OSBPL8: variants seen among roughly 807,000 people sequenced by gnomAD.
OSBPL8 encodes the protein oxysterol-binding protein-related protein 8.
A neutral mutation model predicts 125.5 loss-of-function variants in OSBPL8; 59 were observed. The ratio of observed to expected loss-of-function variants is 0.47; its 90% CI spans 0.38 to 0.58. OSBPL8 has a LOEUF of 0.58. Among genes scored for constraint, OSBPL8 ranks in the 20% least tolerant of loss-of-function variants. The pLI is 0.00. For synonymous variants in OSBPL8, 330 were observed against 338.9 expected (o/e 0.97, Z 0.29); for missense variants, 758 against 1,047.8 (o/e 0.72, Z 3.82).
intron 1 of OSBPL8, among the ~76,000 whole-genome samples, chr12:76,517,836 A>C (rs1881703768): frequency 6.6e-6 from 1 of 152,274 alleles, no homozygotes; most frequent in Middle Eastern, 3.4e-3. Context: ...ATACTCTTTC[A>C]AACAACCAGG....
chr12:76,495,327 A>G (rs559918237), intron 1 of OSBPL8, among the ~76,000 whole-genome samples: 1 of 152,360 alleles, frequency 6.6e-6, no homozygotes, highest in East Asian at 1.9e-4. Flanking sequence ...AGTAAACAAT[A>G]TAATAGCGCA....
chr12:76,499,546 C>CT (rs1243928992), intron 1 of OSBPL8, among the ~76,000 whole-genome samples: 14 of 151,898 alleles, frequency 9.2e-5, no homozygotes, highest in Admixed American at 9.2e-4. Flanking sequence ...CAGTAAAAGC[C>CT]TTTACTTCAA....
intron 1 of OSBPL8, among the ~76,000 whole-genome samples, chr12:76,558,687 AAG>A (rs573561743): frequency 1.0e-3 from 156 of 152,338 alleles, no homozygotes; most frequent in African/African-American, 3.6e-3. Flanking sequence ...TCTCATAAAG[AAG>A]AGTGTTAAAT....
Position 76,392,702 on chromosome 12 carries a change from G to C in OSBPL8, c.808C>G (p.Leu270Val), listed in dbSNP as rs760790615. The C allele has an allele frequency of 1.2e-6, 2 of 1,613,926 alleles. No homozygotes were observed. The highest frequency in any genetic ancestry group is 1.7e-6 in the Non-Finnish European group (2 of 1,179,888). Residue 270 changes from leucine to valine, a missense_variant, in exon 10 of 24, where the codon CTT becomes GTT. Transcript: ENST00000261183. The part of the protein sequence containing the change: ...LELALKCSSL[L>V]KRTMIREGKE... The stretch of plus-strand genomic sequence containing the variant: ...CCTTCTCTGATCATTGTACGTTTAA[G>C]AAGACTAGAACATTTCAAAGCCAAC...
At chr12:76,511,112 G>C (rs1451473669) in intron 1 of OSBPL8, among the ~76,000 whole-genome samples, 1 of 152,186 alleles carries the variant, frequency 6.6e-6, no homozygotes, top group Non-Finnish European at 1.5e-5. Context: ...AGACTTCTGA[G>C]GGTGGTAGAG....
intron 17 of OSBPL8, among the ~76,000 whole-genome samples, chr12:76,374,592 T>C (rs1262786250): frequency 6.6e-6 from 1 of 152,124 alleles, no homozygotes; most frequent in East Asian, 1.9e-4. Context: ...TCAAGTCACA[T>C]GGAAAGGCCA....
chr12:76,435,083 GC>G (rs1871284780), intron 4 of OSBPL8, among the ~76,000 whole-genome samples: 1 of 152,026 alleles, frequency 6.6e-6, no homozygotes, highest in African/African-American at 2.4e-5. Context: ...ACTCACAATA[GC>G]GAAGATATGG....
chr12:76,431,118 G>A (rs1870764510), intron 4 of OSBPL8, among the ~76,000 whole-genome samples: 1 of 152,094 alleles, frequency 6.6e-6, no homozygotes, highest in Non-Finnish European at 1.5e-5. Context: ...ACATAAGTAT[G>A]AGGTGGGGGG....
chr12:76,384,307 C>T lies in OSBPL8; in HGVS notation c.1577G>A (p.Arg526Gln), dbSNP rs1953198726. The T allele has an allele frequency of 2.6e-6, 4 of 1,567,480 alleles. No individual in the cohort carries two copies. The highest frequency in any genetic ancestry group is 1.3e-5 in the African/African-American group (1 of 74,388). ...PPISAFYVSN[R>Q]KDGFCLSGSI... is the part of the protein sequence containing the mutation. ...ACCGCTAAGGCAAAATCCATCTTTT[C>T]GATTACTAACATAAAAGGCAGATAT... Residue 526 changes from arginine to glutamine, a missense_variant, in exon 15 of 24, where the codon CGA (arginine) becomes CAA (glutamine). This residue lies in a region of OSBPL8 where 572 missense variants were observed against 762.0 expected (regional missense o/e 0.75). Coordinates refer to ENST00000261183, the MANE Select transcript of OSBPL8 (RefSeq NM_020841.5).
chr12:76,532,509 A>G (rs1376305508), intron 1 of OSBPL8, among the ~76,000 whole-genome samples: 2 of 152,218 alleles, frequency 1.3e-5, no homozygotes, highest in Non-Finnish European at 2.9e-5. Flanking sequence ...GGGTTCAGCC[A>G]ATGAAGTTAA....
intron 14 of OSBPL8, among the ~76,000 whole-genome samples, chr12:76,385,020 C>G (rs1266151027): frequency 6.6e-6 from 1 of 152,048 alleles, no homozygotes; most frequent in Non-Finnish European, 1.5e-5. Context: ...TACTGAATGA[C>G]TATAGGAAAC....
chr12:76,390,258 T>A, intron 11 of OSBPL8, 162 bp downstream of exon 11: 1 of 579,698 alleles, frequency 1.7e-6, no homozygotes, highest in Non-Finnish European at 3.0e-6. Flanking sequence ...TGTGTTTAGT[T>A]GTTTGTAAAT....
intron 8 of OSBPL8, among the ~76,000 whole-genome samples, chr12:76,395,000 A>G (rs1259102163): frequency 6.6e-6 from 1 of 152,152 alleles, no homozygotes; most frequent in East Asian, 1.9e-4. Context: ...AAGAGAACCT[A>G]AAGTTTACCA....
chr12:76,482,824 T>C (rs1877670112), intron 2 of OSBPL8, among the ~76,000 whole-genome samples: 1 of 152,212 alleles, frequency 6.6e-6, no homozygotes, highest in African/African-American at 2.4e-5. Context: ...AGTATTCTCA[T>C]GTTGTGTGGC....
At chr12:76,508,797 TATATGGTCCAAAAA>T (rs1880685902) in intron 1 of OSBPL8, among the ~76,000 whole-genome samples, 1 of 152,194 alleles carries the variant, frequency 6.6e-6, no homozygotes, top group Non-Finnish European at 1.5e-5. Context: ...CAAGTTACCC[TATATGGTCCAAAAA>T]GGGAGGAACT....
intron 4 of OSBPL8, among the ~76,000 whole-genome samples, chr12:76,424,428 G>C (rs1289899139): frequency 6.6e-6 from 1 of 152,108 alleles, no homozygotes; most frequent in East Asian, 1.9e-4. Flanking sequence ...GGGTTGGTTT[G>C]GTTATTATTA....
intron 9 of OSBPL8, 43 bp from the exon 10 acceptor site, chr12:76,392,795 A>G: frequency 6.5e-7 from 1 of 1,529,244 alleles, no homozygotes; most frequent in Non-Finnish European, 8.9e-7. Flanking sequence ...TTTTAAAACT[A>G]TGAAACTAGC....
intron 2 of OSBPL8, among the ~76,000 whole-genome samples, chr12:76,479,597 A>G (rs1164718497): frequency 6.6e-6 from 1 of 152,172 alleles, no homozygotes; most frequent in African/African-American, 2.4e-5. Flanking sequence ...TACATACAAC[A>G]CCATTTATAC....
chr12:76,410,690 C>A lies in OSBPL8; in HGVS notation c.218-56G>T. 6 of 1,187,252 alleles carry A rather than the reference C, an allele frequency of 5.1e-6. No individual in the cohort carries two copies. The South Asian group carries it at 7.6e-5, about 15-fold the overall frequency. The allele number at this position is 1,187,252 out of a possible 1,614,324, so 73.5% of individuals were successfully genotyped here. A position where few individuals can be genotyped will look rare whatever the true frequency, so the allele number is the denominator to read the frequency against. On this transcript the variant is annotated intron_variant, in intron 4 of 23. Transcript: ENST00000261183. ...CTACTTTTGAACATGTATAATAAGT[C>A]ATTCATTTTCAAGTATAGACTATAT... is the stretch of plus-strand genomic sequence containing the variant.
Sources: allele counts gnomAD v4.1 joint callset (sites outside exome capture counted in the v4.1 genomes callset), GRCh38; gene constraint gnomAD v4.1.1; regional missense constraint gnomAD v4.1.1; transcripts MANE v1.5; gene names NCBI Gene and HGNC (gene_info 2026-07-23, HGNC 2026-07-21).